CLMN: variants seen among roughly 807,000 people sequenced by gnomAD.
CLMN encodes calmin (calponin-like, transmembrane).
In CLMN, 57 loss-of-function variants were observed where a neutral mutation model predicts 92.7. That is an observed-to-expected ratio of 0.61 (90% CI 0.50 to 0.77). CLMN has a LOEUF of 0.77. Ranked by LOEUF, CLMN falls within the 30% of genes least tolerant of loss-of-function variation. The pLI, the probability that CLMN is intolerant of heterozygous loss-of-function variation, is 0.00. For synonymous variants in CLMN, 466 were observed against 470.6 expected (o/e 0.99, Z 0.13); for missense variants, 1,158 against 1,237.5 (o/e 0.94, Z 0.96).
Position 95,210,893 on chromosome 14 carries a change from A to C in CLMN, c.609-14T>G. 6.7e-7 allele frequency: 1 copy of C among 1,496,480 alleles called. No individual in the cohort carries two copies. The highest frequency in any genetic ancestry group is 1.4e-5 in the South Asian group (1 of 73,774). The allele number at this position is 1,496,480 out of a possible 1,614,324, so 92.7% of individuals were successfully genotyped here. A position where few individuals can be genotyped will look rare whatever the true frequency, so the allele number is the denominator to read the frequency against. On this transcript the variant is annotated splice_polypyrimidine_tract_variant and intron_variant, in intron 6 of 12. Transcript: ENST00000298912. ...GCCACGCCATACCTGAAGGAAAAAC[A>C]GCAGCGGCGGCCAGGATGCTGGTTA...
intron 4 of CLMN, among the ~76,000 whole-genome samples, chr14:95,216,259 T>C (rs1170850460): frequency 6.6e-6 from 1 of 152,158 alleles, no homozygotes; most frequent in Non-Finnish European, 1.5e-5. Flanking sequence ...TTCACTATCA[T>C]GAGAACAGCA....
In CLMN at chr14:95,182,706, G is replaced by A. The variant is rs1385632928; in HGVS notation, c.*8858C>T. ...CAGAAGCCTTTTTGAGTCGTTACTC[G>A]GGGAAGGGGAAAAGATGAGGGATGG... On this transcript the variant is annotated 3_prime_UTR_variant, in exon 13 of 13. Coordinates refer to ENST00000298912, the MANE Select transcript of CLMN (RefSeq NM_024734.4). 6 of 150,014 alleles carry A rather than the reference G, an allele frequency of 4.0e-5. No individual in the cohort carries two copies. In the South Asian group the frequency reaches 6.2e-4, roughly 16 times the overall value. 9.3% of individuals were successfully genotyped at this position (150,014 alleles called of 1,614,324 possible).
intron 6 of CLMN, among the ~76,000 whole-genome samples, chr14:95,212,165 A>C (rs890851212): frequency 6.6e-6 from 1 of 152,196 alleles, no homozygotes; most frequent in Non-Finnish European, 1.5e-5. Flanking sequence ...AAAGGAATCA[A>C]TATTTGTGAA....
chr14:95,274,960 C>T (rs929624825), intron 1 of CLMN, among the ~76,000 whole-genome samples: 38 of 138,424 alleles, frequency 2.7e-4, no homozygotes, highest in African/African-American at 1.0e-3. Flanking sequence ...AGCCTGACGA[C>T]AGGGCAACAC....
chr14:95,242,250 C>CTTTTT (rs371417505), intron 1 of CLMN, among the ~76,000 whole-genome samples: 139 of 92,598 alleles, frequency 1.5e-3, no homozygotes, highest in Non-Finnish European at 2.3e-3. Context: ...TTTTCTTTTT[C>CTTTTT]TTTTTTTTTT....
chr14:95,287,274 G>A (rs1900380669), intron 1 of CLMN, among the ~76,000 whole-genome samples: 1 of 152,210 alleles, frequency 6.6e-6, no homozygotes. Flanking sequence ...TCTGTCTGAT[G>A]GGAACTGTCC....
chr14:95,197,128 G>A (rs1896738376), intron 9 of CLMN, among the ~76,000 whole-genome samples: 1 of 152,042 alleles, frequency 6.6e-6, no homozygotes, highest in Non-Finnish European at 1.5e-5. Context: ...TAGTGCCTGT[G>A]GTCCCAACTA....
chr14:95,247,363 A>C (rs762456507), intron 1 of CLMN, among the ~76,000 whole-genome samples: 9 of 152,228 alleles, frequency 5.9e-5, no homozygotes, highest in Non-Finnish European at 8.8e-5. Flanking sequence ...CCATCTTGGC[A>C]TTTAAATGGT....
At chr14:95,318,741 TGAA>T (rs1901906732) in intron 1 of CLMN, among the ~76,000 whole-genome samples, 1 of 151,702 alleles carries the variant, frequency 6.6e-6, no homozygotes, top group South Asian at 2.1e-4. Flanking sequence ...TCAATGTGGG[TGAA>T]GAAGGGCCGG....
In CLMN at chr14:95,256,844, C is replaced by G. The variant is rs1899018235; in HGVS notation, c.83-26711G>C. 6.6e-6 allele frequency among the ~76,000 whole-genome samples: 1 copy of G among 152,130 alleles called. No individual in the cohort carries two copies. Among genetic ancestry groups the G allele is most frequent in the Non-Finnish European group, 1.5e-5 (1 of 68,028 alleles). ...GACAGGGCCACTAAGCCTCCTGGGT[C>G]AGGGGCAGAATTGGAGCAGGAGCTT... On this transcript the variant is annotated intron_variant, in intron 1 of 12. Coordinates refer to ENST00000298912, the MANE Select transcript of CLMN (RefSeq NM_024734.4). This position sits in a 1 kb window ranked among gnomAD's most constrained non-coding sequence, Gnocchi z 4.9.
intron 12 of CLMN, chr14:95,193,055 G>C (rs1896598751): frequency 2.5e-6 from 1 of 399,530 alleles, no homozygotes; most frequent in Non-Finnish European, 4.4e-6. Context: ...CCACACTCTT[G>C]GGTGTTGGGT....
At position 95,183,593 on chromosome 14, in the gene CLMN, G is replaced by C. The variant is rs1343371133; in HGVS notation, c.*7971C>G. On this transcript the variant is annotated 3_prime_UTR_variant, in exon 13 of 13. Transcript: ENST00000298912. ...TCTACTTTTCTTTTTGAAGGAGAAA[G>C]CCCAATTTCCTACTCTGTGAAGTAC... 1 of 152,170 alleles carries C rather than the reference G, an allele frequency of 6.6e-6. No individual in the cohort carries two copies. Among genetic ancestry groups the C allele is most frequent in the Non-Finnish European group, 1.5e-5 (1 of 68,034 alleles). The allele number at this position is 152,170 out of a possible 1,614,324, so 9.4% of individuals were successfully genotyped here.
chr14:95,237,888 A>G (rs1898110124), intron 1 of CLMN, among the ~76,000 whole-genome samples: 1 of 152,106 alleles, frequency 6.6e-6, no homozygotes, highest in Non-Finnish European at 1.5e-5. Context: ...CCTTTTCTCC[A>G]TGGCTCAGAT....
At position 95,203,469 on chromosome 14, in the gene CLMN, T is replaced by C; in HGVS notation, c.1880A>G (p.Asp627Gly). The C allele has an allele frequency of 1.2e-6, 2 of 1,614,184 alleles. No individual in the cohort carries two copies. The highest frequency in any genetic ancestry group is 1.6e-4 in the Middle Eastern group (1 of 6,062). The change falls in exon 9 of 13, where the codon GAC becomes GGC. Residue 627 changes from aspartate to glycine, a missense_variant. Asp to Gly is a moderately conservative substitution (Grantham distance 94). Transcript: ENST00000298912. ...GGAGTCCTGATGAGGTTCATGTTTG[T>C]CCATCTTAACTTGAGGCTCTGGCGA... ...KDSPEPQVKM[D>G]KHEPHQDSGE... is the part of the protein sequence containing the mutation.
At chr14:95,197,139 C>G (rs1896738884) in intron 9 of CLMN, among the ~76,000 whole-genome samples, 1 of 152,066 alleles carries the variant, frequency 6.6e-6, no homozygotes, top group Non-Finnish European at 1.5e-5. Context: ...GTCCCAACTA[C>G]TCGGGAGGTG....
At chr14:95,195,603 G>C (rs111561202) in intron 10 of CLMN, among the ~76,000 whole-genome samples, 3,426 of 152,368 alleles carry the variant, frequency 0.022, 142 homozygotes, top group African/African-American at 0.078. Context: ...GGCACAAAAA[G>C]AATGTGGAAT....
At position 95,191,843 on chromosome 14, in the gene CLMN, G is replaced by A. The variant is rs1385356504; in HGVS notation, c.2841-111C>T. On this transcript the variant is annotated intron_variant, in intron 12 of 12. Coordinates refer to ENST00000298912, the MANE Select transcript of CLMN (RefSeq NM_024734.4). This position sits in a 1 kb window ranked among gnomAD's most constrained non-coding sequence, Gnocchi z 5.3. ...GCCCCCACTCCCCGCCTGAAGACCC[G>A]AAGGCTCCCCAGCACCATGTCCAGG... is the stretch of plus-strand genomic sequence containing the variant. The A allele has an allele frequency of 9.8e-6, 10 of 1,025,070 alleles. No individual in the cohort carries two copies. Among genetic ancestry groups the A allele is most frequent in the Admixed American group, 2.5e-5 (1 of 39,322 alleles). 63.5% of individuals were successfully genotyped at this position (1,025,070 alleles called of 1,614,324 possible). A position where few individuals can be genotyped will look rare whatever the true frequency, so the allele number is the denominator to read the frequency against.
intron 1 of CLMN, among the ~76,000 whole-genome samples, chr14:95,292,428 T>TCCCCCCCCCCCCCCCCCCCCCC (rs1263766978): frequency 6.8e-5 from 5 of 74,060 alleles, no homozygotes; most frequent in African/African-American, 1.5e-4. Context: ...CCCCCAAGGG[T>TCCCCCCCCCCCCCCCCCCCCCC]CCCCCACCCC....
intron 1 of CLMN, among the ~76,000 whole-genome samples, chr14:95,303,922 G>C (rs1289213850): frequency 6.6e-6 from 1 of 152,178 alleles, no homozygotes; most frequent in African/African-American, 2.4e-5. Context: ...TTTTATGTAT[G>C]CATTACATAT....
Sources: allele counts gnomAD v4.1 joint callset (sites outside exome capture counted in the v4.1 genomes callset), GRCh38; gene constraint gnomAD v4.1.1; non-coding constraint Gnocchi (gnomAD v3.1); transcripts MANE v1.5; gene names NCBI Gene and HGNC (gene_info 2026-07-23, HGNC 2026-07-21).